CCNH: variants seen among roughly 807,000 people sequenced by gnomAD.
CCNH encodes cyclin-H.
CCNH carries 31 observed loss-of-function variants against 41.9 expected under a neutral mutation model. That is an observed-to-expected ratio of 0.74 (90% CI 0.56 to 1.00). CCNH has a LOEUF of 1.00. Among genes scored for constraint, CCNH ranks in the 50% least tolerant of loss-of-function variants. CCNH has a pLI of 0.00. For missense variants in CCNH, 362 were observed against 388.4 expected (o/e 0.93, Z 0.57); for synonymous variants, 138 against 136.1 (o/e 1.01, Z -0.10).
chr5:87,332,432 A>T, intron 9 of CCNH: 2 of 1,415,564 alleles, frequency 1.4e-6, no homozygotes, highest in South Asian at 2.4e-5. Flanking sequence ...TGGATTTATA[A>T]TTTCTTTATA....
intron 9 of CCNH, chr5:87,333,390 A>C: frequency 6.2e-7 from 1 of 1,604,008 alleles, no homozygotes; most frequent in Non-Finnish European, 8.5e-7. Flanking sequence ...TAGACTTCGA[A>C]GATTTATTAC....
Position 87,412,878 on chromosome 5 carries a change from A to C in CCNH, c.-84T>G. 6.4e-7 allele frequency: 1 copy of C among 1,550,676 alleles called. No homozygotes were observed. Among genetic ancestry groups the C allele is most frequent in the Admixed American group, 1.8e-5 (1 of 54,482 alleles). On this transcript the variant is annotated 5_prime_UTR_variant, in exon 1 of 9. Transcript: ENST00000256897. ...CCTGGCGTAAAACACCCGTACCCCC[A>C]CCGAAGATCTCGCGGAAGCCTAGGG...
At chr5:87,376,684 A>G (rs559763024) in exon 1 of CCNH, 587 of 1,340,382 alleles carry the variant, frequency 4.4e-4, no homozygotes, top group Admixed American at 1.5e-3. Context: ...ATGATGCCAG[A>G]GATTTTAAAC....
intron 9 of CCNH, among the ~76,000 whole-genome samples, chr5:87,325,013 A>T (rs1757123275): frequency 6.6e-6 from 1 of 152,146 alleles, no homozygotes; most frequent in African/African-American, 2.4e-5. Context: ...GCTAACAAAG[A>T]CAAACCCGAG....
intron 9 of CCNH, among the ~76,000 whole-genome samples, chr5:87,361,953 A>C (rs1167194042): frequency 6.6e-6 from 1 of 152,206 alleles, no homozygotes; most frequent in East Asian, 1.9e-4. Context: ...AAGCATGGGA[A>C]TGTTGCAGAG....
downstream of CCNH, chr5:87,389,434 G>A (rs764894260): frequency 8.7e-6 from 14 of 1,614,120 alleles, no homozygotes; most frequent in Admixed American, 5.0e-5. Flanking sequence ...ATTCTAGAAC[G>A]GACCTGTCCC....
At position 87,347,208 on chromosome 5, in the gene CCNH, T is replaced by G. The variant is rs190284425; in HGVS notation, c.*91-28311A>C. ...TCAGTAGAACGATATTGTATTGTTT[T>G]TATTCTTTTGCTGTTCAGCTACAGC... On this transcript the variant is annotated intron_variant and NMD_transcript_variant, in intron 9 of 9. Coordinates refer to the CCNH transcript ENST00000645953. Among the ~76,000 whole-genome samples, 1,107 of 152,174 alleles carry G rather than the reference T, an allele frequency of 7.3e-3. 11 individuals carry two copies. The highest frequency in any genetic ancestry group is 0.031 in the Middle Eastern group (9 of 294).
chr5:87,351,743 A>C (rs1490132970), intron 9 of CCNH, among the ~76,000 whole-genome samples: 2 of 151,624 alleles, frequency 1.3e-5, no homozygotes, highest in African/African-American at 2.4e-5. Flanking sequence ...TTTTAAAAAA[A>C]CTCTTAAGTC....
At chr5:87,394,591 T>TTG in intron 8 of CCNH, 107 bp from the exon 9 acceptor site, 1 of 1,548,010 alleles carries the variant, frequency 6.5e-7, no homozygotes, top group Non-Finnish European at 8.7e-7. Context: ...CCCATGTGGA[T>TTG]TACAAAAGAT....
Position 87,412,684 on chromosome 5 carries a change from G to T in CCNH, c.111C>A (p.Asn37Lys). 1 of 1,613,986 alleles carries T rather than the reference G, an allele frequency of 6.2e-7. No individual in the cohort carries two copies. Among genetic ancestry groups the T allele is most frequent in the South Asian group, 1.1e-5 (1 of 91,038 alleles). The change falls in exon 1 of 9, where the codon AAC (asparagine) becomes AAA (lysine). Residue 37 changes from asparagine (N) to lysine (K), a missense_variant. Coordinates refer to ENST00000256897, the MANE Select transcript of CCNH (RefSeq NM_001239.4). ...ACCGTTGGGAAAACCTCACCTTCCC[G>T]TTGGCCACGGCTTTGCATCTGAATT... ...NRKFRCKAVANGKVLPNDPVF... is the reference protein window; with the variant it reads ...NRKFRCKAVAKGKVLPNDPVF...
At chr5:87,350,392 T>C (rs1580328176) in intron 9 of CCNH, among the ~76,000 whole-genome samples, 1 of 151,950 alleles carries the variant, frequency 6.6e-6, no homozygotes, top group Middle Eastern at 3.4e-3. Context: ...CCAATTCCAG[T>C]TTTCTGGAGA....
intron 9 of CCNH, among the ~76,000 whole-genome samples, chr5:87,330,277 A>G (rs1757514666): frequency 6.6e-6 from 1 of 152,160 alleles, no homozygotes; most frequent in African/African-American, 2.4e-5. Context: ...GCTTACAAAA[A>G]TAGTCATAGT....
intron 9 of CCNH, chr5:87,331,109 G>T: frequency 1.1e-6 from 1 of 883,190 alleles, no homozygotes; most frequent in South Asian, 1.7e-5. Flanking sequence ...AAATGGAAGA[G>T]ATTTATATAT....
At chr5:87,338,534 A>ATATATATAT (rs1561292504) in intron 9 of CCNH, among the ~76,000 whole-genome samples, 22 of 46,108 alleles carry the variant, frequency 4.8e-4, no homozygotes, top group South Asian at 2.2e-3. Flanking sequence ...TATATATATA[A>ATATATATAT]AATTTTTTTT....
At chr5:87,411,552 C>T (rs1201730905) in intron 1 of CCNH, among the ~76,000 whole-genome samples, 1 of 152,194 alleles carries the variant, frequency 6.6e-6, no homozygotes, top group Non-Finnish European at 1.5e-5. Context: ...CATCATTTCA[C>T]GACTTTTCGG....
chr5:87,398,239 C>T (rs563275051), intron 7 of CCNH, among the ~76,000 whole-genome samples: 31 of 152,224 alleles, frequency 2.0e-4, no homozygotes, highest in South Asian at 8.3e-4. Flanking sequence ...TTCCTAAGTC[C>T]GTAGATATTC....
At chr5:87,326,966 T>A (rs1188587351) in intron 9 of CCNH, among the ~76,000 whole-genome samples, 2 of 152,208 alleles carry the variant, frequency 1.3e-5, no homozygotes, top group East Asian at 3.8e-4. Flanking sequence ...ATTCACAGAT[T>A]GATCACCCAT....
intron 6 of CCNH, among the ~76,000 whole-genome samples, chr5:87,401,274 C>T (rs888063533): frequency 6.6e-6 from 1 of 152,232 alleles, no homozygotes; most frequent in Non-Finnish European, 1.5e-5. Context: ...TCTCTGCTGT[C>T]TTAACAGTGC....
chr5:87,335,214 T>TGAGAGAGAATGTTTTCACTTGA (rs1221194820), intron 9 of CCNH, among the ~76,000 whole-genome samples: 1 of 152,030 alleles, frequency 6.6e-6, no homozygotes, highest in Admixed American at 6.6e-5. Context: ...CATTTTCACT[T>TGAGAGAGAATGTTTTCACTTGA]GAGAGAATGT....
Sources: gnomAD v4.1 joint callset for allele counts (sites outside exome capture counted in the v4.1 genomes callset) on GRCh38, gnomAD v4.1.1 for gene constraint, MANE v1.5 for transcripts, NCBI Gene and HGNC (gene_info 2026-07-23, HGNC 2026-07-21) for gene names.